Variants in SMC4 observed in about 807,000 individuals in gnomAD.
SMC4 encodes the protein structural maintenance of chromosomes 4.
SMC4 carries 87 observed loss-of-function variants against 145.6 expected under a neutral mutation model. That is an observed-to-expected ratio of 0.60 (90% CI 0.50 to 0.71). The LOEUF (loss-of-function observed/expected upper bound fraction) is 0.71, where lower values mean the gene tolerates loss of function less well. Ranked by LOEUF, SMC4 falls within the 30% of genes least tolerant of loss-of-function variation. The pLI is 0.00. For missense variants in SMC4, 1,447 were observed against 1,537.1 expected, an observed-to-expected ratio of 0.94 and a Z score of 0.98; for synonymous variants, 558 against 500.7, an observed-to-expected ratio of 1.11 and a Z score of -1.53.
In SMC4 at chr3:160,414,478, C is replaced by CA; in HGVS notation, c.1239dup (p.Leu414ThrfsTer9). 1 of 1,610,386 alleles carries CA rather than the reference C, an allele frequency of 6.2e-7. No homozygotes were observed. Among genetic ancestry groups the CA allele is most frequent in the Non-Finnish European group, 8.5e-7 (1 of 1,179,106 alleles). On this transcript the variant is annotated frameshift_variant, in exon 9 of 24. Coordinates refer to ENST00000357388, the MANE Select transcript of SMC4 (RefSeq NM_001002800.3). LOFTEE classifies it high-confidence loss of function. Reference sequence around the variant, plus strand: ...AGTTAAAACATGCCACGAGTAAAGCCAAAAAACTGGAGAAACAACTTCAAA... The same window carrying CA: ...AGTTAAAACATGCCACGAGTAAAGCCAAAAAAACTGGAGAAACAACTTCAAA...
intron 15 of SMC4, among the ~76,000 whole-genome samples, chr3:160,424,058 T>C (rs1265190826): frequency 1.3e-5 from 2 of 152,224 alleles, no homozygotes; most frequent in African/African-American, 4.8e-5. Flanking sequence ...AGTACACTTT[T>C]TAATTAGTAC....
chr3:160,431,315 A>G (rs1040860275), intron 20 of SMC4, 110 bp downstream of exon 20: 53 of 859,392 alleles, frequency 6.2e-5, no homozygotes, highest in Admixed American at 4.8e-4. Context: ...TTTGTGAGCT[A>G]CATTGTGATT....
chr3:160,431,006 A>G (rs1162337737), intron 19 of SMC4, 26 bp from the exon 20 acceptor site: 9 of 1,578,508 alleles, frequency 5.7e-6, no homozygotes, highest in East Asian at 2.3e-5. Flanking sequence ...GGAAAATTCT[A>G]TCTAGCAGTT....
chr3:160,404,675 A>G (rs773474590), intron 5 of SMC4, 171 bp downstream of exon 5: 1 of 772,548 alleles, frequency 1.3e-6, no homozygotes, highest in South Asian at 1.4e-5. Flanking sequence ...TAGAAATTTA[A>G]GGAAATTCAT....
rs1717089954 is a variant in SMC4 at position 160,420,834 on chromosome 3, C to T, written c.1952C>T (p.Ala651Val). ...ATTGTTGTTGATTCTATTGATATAG[C>T]CCAAGAATGTGTAAACTTCCTTAAA... is the stretch of plus-strand genomic sequence containing the variant. The part of the protein sequence containing the change: ...DYIVVDSIDI[A>V]QECVNFLKRQ... The change falls in exon 13 of 24, where the codon GCC becomes GTC. Residue 651 changes from alanine (A) to valine (V), a missense_variant. Ala to Val is a moderately conservative substitution (Grantham distance 64). Transcript: ENST00000357388. The T allele has an allele frequency of 1.2e-6, 2 of 1,613,666 alleles. No homozygotes were observed. Among genetic ancestry groups the T allele is most frequent in the Admixed American group, 1.7e-5 (1 of 59,968 alleles).
rs1430487694 is a variant in SMC4, at chr3:160,434,604, A to AATT, written c.*797_*799dup. ...GTTGAGGAGCATCTATTTAGGGGTTAATTACTTTAGTAATAAGTGGAAAGT... is the reference window on the plus strand; with the variant it reads ...GTTGAGGAGCATCTATTTAGGGGTTAATTATTACTTTAGTAATAAGTGGAAAGT... On this transcript the variant is annotated 3_prime_UTR_variant, in exon 24 of 24. Transcript: ENST00000357388. The AATT allele has an allele frequency of 1.3e-5, 2 of 149,468 alleles. No individual in the cohort carries two copies. Among genetic ancestry groups the AATT allele is most frequent in the African/African-American group, 5.1e-5 (2 of 38,866 alleles). 9.3% of individuals were successfully genotyped at this position (149,468 alleles called of 1,614,324 possible).
intron 17 of SMC4, 110 bp downstream of exon 17, chr3:160,426,310 A>AC: frequency 3.8e-6 from 3 of 791,692 alleles, no homozygotes; most frequent in Non-Finnish European, 6.3e-6. Flanking sequence ...TATGCAAGTC[A>AC]TTGCACTATT....
At chr3:160,418,760 T>TA (rs1251492651) in intron 11 of SMC4, among the ~76,000 whole-genome samples, 1 of 152,178 alleles carries the variant, frequency 6.6e-6, no homozygotes, top group African/African-American at 2.4e-5. Flanking sequence ...TGGAGGAATA[T>TA]ACCAGTTAGA....
At chr3:160,426,230 G>T in intron 17 of SMC4, 30 bp downstream of exon 17, 3 of 1,533,568 alleles carry the variant, frequency 2.0e-6, no homozygotes, top group Non-Finnish European at 2.6e-6. Flanking sequence ...TTTTTTGGGG[G>T]GAAAAAAAAA....
In SMC4 at chr3:160,428,864, T is replaced by C; in HGVS notation, c.2717T>C (p.Leu906Pro). The C allele has an allele frequency of 1.2e-6, 2 of 1,606,166 alleles. No homozygotes were observed. Residue 906 changes from leucine (L) to proline (P), a missense_variant, in exon 18 of 24, where the codon CTT (leucine) becomes CCT (proline). Leu to Pro is a moderately conservative substitution (Grantham distance 98, BLOSUM62 -3). Coordinates refer to ENST00000357388, the MANE Select transcript of SMC4 (RefSeq NM_001002800.3). The stretch of plus-strand genomic sequence containing the variant: ...AAACTCAAGGCCCAACAAGACAAAC[T>C]TGATAAAATAAATAAGCAATTAGAT... Reference protein sequence around the residue: ...NHKLKAQQDKLDKINKQLDEC... With the variant: ...NHKLKAQQDKPDKINKQLDEC...
chr3:160,423,692 C>G (rs1560008326), intron 14 of SMC4, 42 bp downstream of exon 14: 1 of 1,595,464 alleles, frequency 6.3e-7, no homozygotes. Context: ...TTTTTCCCCC[C>G]ACAGCATTGA....
rs765168892 is a variant in SMC4 at position 160,431,845 on chromosome 3, G to C, written c.3297+20G>C. On this transcript the variant is annotated intron_variant, in intron 21 of 23. Coordinates refer to ENST00000357388, the MANE Select transcript of SMC4 (RefSeq NM_001002800.3). ...AAGAAGGTATGAATGAACTGTGTAT[G>C]TATACTAGTTGGAGTTCTTTTTAGT... 2 of 1,588,988 alleles carry C rather than the reference G, an allele frequency of 1.3e-6. No homozygotes were observed. The highest frequency in any genetic ancestry group is 8.5e-7 in the Non-Finnish European group (1 of 1,170,398).
In SMC4 at chr3:160,433,804, T is replaced by C. The variant is rs763175443; in HGVS notation, c.3862T>C (p.Cys1288Arg). Residue 1288 changes from cysteine to arginine, a missense_variant, in exon 24 of 24, where the codon TGT becomes CGT. By Grantham distance (180) the Cys-to-Arg change is radical (BLOSUM62 -3). Coordinates refer to ENST00000357388, the MANE Select transcript of SMC4 (RefSeq NM_001002800.3). Reference protein sequence around the residue: ...NPKEIASKGLC With the variant: ...NPKEIASKGLR Reference sequence around the variant, plus strand: ...AAAAGAAATTGCATCTAAGGGACTTTGTTGAACTTTATGCTGAAGATTCTT... The same window carrying C: ...AAAAGAAATTGCATCTAAGGGACTTCGTTGAACTTTATGCTGAAGATTCTT... 6.9e-6 allele frequency: 11 copies of C among 1,600,364 alleles called. No homozygotes were observed. The highest frequency in any genetic ancestry group is 8.5e-6 in the Non-Finnish European group (10 of 1,175,602).
Position 160,433,896 on chromosome 3 carries a change from T to C in SMC4, c.*87T>C, listed in dbSNP as rs1718706560. On this transcript the variant is annotated 3_prime_UTR_variant, in exon 24 of 24. Transcript: ENST00000357388. ...AGGATTATGAGTTGTATAAAATACATACTCCCTAAACTAGATCATGAAACT... is the reference window on the plus strand; with the variant it reads ...AGGATTATGAGTTGTATAAAATACACACTCCCTAAACTAGATCATGAAACT... 2 of 978,700 alleles carry C rather than the reference T, an allele frequency of 2.0e-6. No individual in the cohort carries two copies. Among genetic ancestry groups the C allele is most frequent in the Non-Finnish European group, 3.1e-6 (2 of 645,976 alleles). 60.6% of individuals were successfully genotyped at this position (978,700 alleles called of 1,614,324 possible). A position where few individuals can be genotyped will look rare whatever the true frequency, so the allele number is the denominator to read the frequency against.
At chr3:160,404,804 T>C in intron 5 of SMC4, 1 of 556,926 alleles carries the variant, frequency 1.8e-6, no homozygotes, top group Non-Finnish European at 3.6e-6. Context: ...ACACCAATAT[T>C]ACTGTGCTGC....
At chr3:160,419,705 A>T (rs986165881) in intron 12 of SMC4, among the ~76,000 whole-genome samples, 162 bp downstream of exon 12, 5 of 152,106 alleles carry the variant, frequency 3.3e-5, no homozygotes, top group Non-Finnish European at 5.9e-5. Context: ...TTGCCCTTAC[A>T]GTTTCTTGTT....
Position 160,433,680 on chromosome 3 carries a change from C to A in SMC4, c.3738C>A (p.Phe1246Leu). The stretch of plus-strand genomic sequence containing the variant: ...AGGAACAAACAAAAAATGCACAGTT[C>A]ATAATAATTTCTCTTCGAAATAATA... ...YIYEQTKNAQ[F>L]IIISLRNNMF... The change falls in exon 24 of 24, where the codon TTC becomes TTA. Residue 1246 changes from phenylalanine to leucine, a missense_variant. By Grantham distance (22) the Phe-to-Leu change is conservative. Coordinates refer to ENST00000357388, the MANE Select transcript of SMC4 (RefSeq NM_001002800.3). The A allele has an allele frequency of 1.3e-6, 2 of 1,574,748 alleles. No homozygotes were observed. The highest frequency in any genetic ancestry group is 1.2e-5 in the South Asian group (1 of 83,920).
chr3:160,432,293 A>T lies in SMC4; in HGVS notation c.3308A>T (p.Tyr1103Phe). 1.3e-6 allele frequency: 2 copies of T among 1,599,128 alleles called. No individual in the cohort carries two copies. Among genetic ancestry groups the T allele is most frequent in the African/African-American group, 2.7e-5 (2 of 73,982 alleles). ...IAEYKKKEEL[Y>F]LQRVAELDKI... ...ATAATCTTTTCACAGGAAGAATTGT[A>T]TTTGCAACGGGTAGCAGAATTGGAC... Residue 1103 changes from tyrosine to phenylalanine, a missense_variant, in exon 22 of 24, where the codon TAT becomes TTT. Tyr to Phe is a conservative substitution (Grantham distance 22). Transcript: ENST00000357388.
chr3:160,415,498 CAAT>C (rs1335522305), intron 9 of SMC4, among the ~76,000 whole-genome samples: 1 of 152,228 alleles, frequency 6.6e-6, no homozygotes, highest in Non-Finnish European at 1.5e-5. Context: ...TATGGTTACA[CAAT>C]AATTATAGAT....
Sources: allele counts gnomAD v4.1 joint callset (sites outside exome capture counted in the v4.1 genomes callset), GRCh38; gene constraint gnomAD v4.1.1; transcripts MANE v1.5; gene names NCBI Gene and HGNC (gene_info 2026-07-23, HGNC 2026-07-21).